PACSIN2: variants seen among roughly 807,000 people sequenced by gnomAD.
PACSIN2 encodes the protein protein kinase C and casein kinase substrate in neurons protein 2.
A neutral mutation model predicts 63.8 loss-of-function variants in PACSIN2; 25 were observed. The ratio of observed to expected loss-of-function variants is 0.39; its 90% CI spans 0.29 to 0.55. PACSIN2 has a LOEUF of 0.55. Among genes scored for constraint, PACSIN2 ranks in the 20% least tolerant of loss-of-function variants. PACSIN2 has a pLI of 0.62. For synonymous variants in PACSIN2, 255 were observed against 256.2 expected, an observed-to-expected ratio of 1.00 and a Z score of 0.05; for missense variants, 518 against 646.9, an observed-to-expected ratio of 0.80 and a Z score of 2.16.
chr22:43,004,427 G>A (rs996688299), intron 1 of PACSIN2, among the ~76,000 whole-genome samples: 1 of 152,148 alleles, frequency 6.6e-6, no homozygotes, highest in Non-Finnish European at 1.5e-5. Context: ...ACATTTGCAG[G>A]AGCAAAGGTC....
chr22:42,921,805 C>G (rs767405395), intron 1 of PACSIN2, among the ~76,000 whole-genome samples: 1 of 151,328 alleles, frequency 6.6e-6, no homozygotes, highest in Non-Finnish European at 1.5e-5. Flanking sequence ...GTGGCGCGAT[C>G]TCAGCTCACT....
At chr22:42,933,608 C>T (rs753367845) in intron 1 of PACSIN2, among the ~76,000 whole-genome samples, 1 of 152,312 alleles carries the variant, frequency 6.6e-6, no homozygotes, top group South Asian at 2.1e-4. Context: ...TACTCTCAAC[C>T]GTGGCGCCTA....
At chr22:42,873,161 G>A (rs557651977) in intron 10 of PACSIN2, among the ~76,000 whole-genome samples, 228 of 152,344 alleles carry the variant, frequency 1.5e-3, no homozygotes, top group African/African-American at 5.3e-3. Context: ...ATGTGAACTG[G>A]TGATTAGAAG....
rs190142464 is a variant in PACSIN2, at chr22:42,972,007, T to A, written c.-78+43014A>T. On this transcript the variant is annotated intron_variant, in intron 1 of 10. Coordinates refer to ENST00000263246, the MANE Select transcript of PACSIN2 (RefSeq NM_001184970.3). ...CCCGGCCGCCACCCCGTCTGGGAGGTGTACCCAGCAGCTCATTGAGAACGG... is the reference window on the plus strand; with the variant it reads ...CCCGGCCGCCACCCCGTCTGGGAGGAGTACCCAGCAGCTCATTGAGAACGG... Among the ~76,000 whole-genome samples the A allele has an allele frequency of 3.1e-3, 470 of 151,012 alleles. 2 individuals are homozygous for A. Among genetic ancestry groups the A allele is most frequent in the African/African-American group, 0.011 (463 of 41,002 alleles).
intron 1 of PACSIN2, among the ~76,000 whole-genome samples, chr22:42,942,723 G>A (rs932684437): frequency 6.6e-6 from 1 of 152,314 alleles, no homozygotes; most frequent in African/African-American, 2.4e-5. Flanking sequence ...GACCATAAAT[G>A]TAGGGGTTTA....
At chr22:42,872,678 C>T (rs1327477734) in intron 10 of PACSIN2, among the ~76,000 whole-genome samples, 1 of 152,112 alleles carries the variant, frequency 6.6e-6, no homozygotes, top group Non-Finnish European at 1.5e-5. Context: ...GCGTCCACTC[C>T]CTGGGCCTGT....
At chr22:42,981,964 T>A (rs1451230547) in intron 1 of PACSIN2, among the ~76,000 whole-genome samples, 3 of 59,486 alleles carry the variant, frequency 5.0e-5, no homozygotes, top group Non-Finnish European at 9.9e-5. Context: ...GAGGAGCCCC[T>A]CTGCCCGGCC....
chr22:42,889,268 A>T (rs916336398), intron 4 of PACSIN2, among the ~76,000 whole-genome samples: 2 of 152,046 alleles, frequency 1.3e-5, no homozygotes, highest in African/African-American at 2.4e-5. Context: ...AGGCCGCAGG[A>T]TCGGCAAATA....
chr22:42,953,977 G>A (rs1933808878), intron 1 of PACSIN2, among the ~76,000 whole-genome samples: 1 of 152,134 alleles, frequency 6.6e-6, no homozygotes, highest in Admixed American at 6.6e-5. Context: ...TAAAAGGCAT[G>A]AGGCTGGGTG....
intron 9 of PACSIN2, 62 bp downstream of exon 9, chr22:42,876,826 G>GAC: frequency 1.2e-6 from 2 of 1,605,456 alleles, no homozygotes; most frequent in South Asian, 1.1e-5. Flanking sequence ...CCCCTGGACA[G>GAC]AGAGAGAGGA....
rs897400257 is a variant in PACSIN2 at position 42,870,523 on chromosome 22, C to T, written c.*834G>A. On this transcript the variant is annotated 3_prime_UTR_variant, in exon 11 of 11. Transcript: ENST00000263246. ...GACAGTCTAATCTAAAGCATCTTTA[C>T]AGATGCATTTGCTTGAAAAGTTAGT... 4.6e-5 allele frequency: 7 copies of T among 152,168 alleles called. No homozygotes were observed. The highest frequency in any genetic ancestry group is 1.7e-4 in the African/African-American group (7 of 41,444). 9.4% of individuals were successfully genotyped at this position (152,168 alleles called of 1,614,324 possible). A position where few individuals can be genotyped will look rare whatever the true frequency, so the allele number is the denominator to read the frequency against.
chr22:42,948,394 A>AC (rs1933526704), intron 1 of PACSIN2, among the ~76,000 whole-genome samples: 1 of 152,232 alleles, frequency 6.6e-6, no homozygotes, highest in South Asian at 2.1e-4. Context: ...AAGAGGTCAC[A>AC]CCCATCAGAA....
chr22:43,014,368 C>CA (rs1491410772), intron 1 of PACSIN2, among the ~76,000 whole-genome samples: 2 of 2,676 alleles, frequency 7.5e-4, no homozygotes, highest in Non-Finnish European at 1.7e-3. Flanking sequence ...ACACACACCA[C>CA]CCCCCCCCCC....
At chr22:43,011,385 T>G (rs1264799508) in intron 1 of PACSIN2, among the ~76,000 whole-genome samples, 1 of 152,212 alleles carries the variant, frequency 6.6e-6, no homozygotes, top group Non-Finnish European at 1.5e-5. Context: ...TGATGGCAGA[T>G]AAAGCAGGCC....
intron 1 of PACSIN2, among the ~76,000 whole-genome samples, chr22:42,922,596 C>G (rs1932266800): frequency 6.6e-6 from 1 of 152,252 alleles, no homozygotes; most frequent in Non-Finnish European, 1.5e-5. Flanking sequence ...ACAGGCTGAC[C>G]TGCAGCTCGT....
At chr22:43,009,140 C>T (rs1924287832) in intron 1 of PACSIN2, among the ~76,000 whole-genome samples, 2 of 152,290 alleles carry the variant, frequency 1.3e-5, no homozygotes, top group African/African-American at 4.8e-5. Flanking sequence ...ATGACAACCA[C>T]CAAGGAAGCA....
intron 6 of PACSIN2, among the ~76,000 whole-genome samples, chr22:42,884,014 A>G (rs867929376): frequency 6.6e-6 from 1 of 151,866 alleles, no homozygotes; most frequent in Non-Finnish European, 1.5e-5. Context: ...TCAAAAAAAA[A>G]AAAAGAAAAG....
At chr22:42,882,336 A>G (rs1929142811) in intron 6 of PACSIN2, 32 bp from the exon 7 acceptor site, 1 of 1,587,236 alleles carries the variant, frequency 6.3e-7, no homozygotes, top group African/African-American at 1.3e-5. Context: ...CTCTTTTAGA[A>G]GGCAGGGGCC....
intron 2 of PACSIN2, among the ~76,000 whole-genome samples, chr22:42,911,175 G>GT (rs1477371787): frequency 6.6e-6 from 1 of 151,938 alleles, no homozygotes; most frequent in Non-Finnish European, 1.5e-5. Context: ...AAGTGCTGGG[G>GT]TTACAGACAT....
Sources: gnomAD v4.1 joint callset for allele counts (sites outside exome capture counted in the v4.1 genomes callset) on GRCh38, gnomAD v4.1.1 for gene constraint, MANE v1.5 for transcripts, NCBI Gene and HGNC (gene_info 2026-07-23, HGNC 2026-07-21) for gene names.